Variants in CLIC5 observed in about 807,000 individuals in gnomAD.
CLIC5 encodes the protein CLIC family member 5.
CLIC5 carries 20 observed loss-of-function variants against 24.7 expected under a neutral mutation model. That is an observed-to-expected ratio of 0.81 (90% CI 0.57 to 1.18). The LOEUF (loss-of-function observed/expected upper bound fraction) is 1.18, where lower values mean the gene tolerates loss of function less well. CLIC5 is among the 50% of genes most tolerant of loss of function. The pLI is 0.00. For synonymous variants in CLIC5, 159 were observed against 135.6 expected (o/e 1.17, Z -1.20); for missense variants, 341 against 326.1 (o/e 1.05, Z -0.35).
At chr6:45,940,100 C>A (rs1001581483) in intron 4 of CLIC5, among the ~76,000 whole-genome samples, 1 of 152,164 alleles carries the variant, frequency 6.6e-6, no homozygotes, top group African/African-American at 2.4e-5. Context: ...CAGTCTCTGT[C>A]CCTGACTTTT....
intron 1 of CLIC5, among the ~76,000 whole-genome samples, chr6:45,990,650 A>C (rs1181297104): frequency 2.0e-5 from 3 of 152,258 alleles, no homozygotes; most frequent in Non-Finnish European, 2.9e-5. Context: ...GCCTTACAAA[A>C]TATACTGATG....
intron 4 of CLIC5, among the ~76,000 whole-genome samples, chr6:45,926,652 A>C (rs1049880667): frequency 2.6e-5 from 4 of 152,186 alleles, no homozygotes; most frequent in African/African-American, 9.7e-5. Flanking sequence ...GCTAGCTGAA[A>C]AAAGTCTAGA....
intron 1 of CLIC5, among the ~76,000 whole-genome samples, chr6:45,966,356 G>C (rs184417953): frequency 6.6e-5 from 10 of 150,960 alleles, no homozygotes; most frequent in Middle Eastern, 6.8e-3. Flanking sequence ...CCCACTCTCA[G>C]ATATTCTGAT....
At chr6:45,916,446 C>A (rs916814735) in intron 4 of CLIC5, among the ~76,000 whole-genome samples, 2 of 152,160 alleles carry the variant, frequency 1.3e-5, no homozygotes, top group African/African-American at 4.8e-5. Context: ...ATCCCTCTAC[C>A]CCTTTCATTC....
chr6:46,043,184 T>C (rs1202991304), intron 1 of CLIC5, among the ~76,000 whole-genome samples: 1 of 152,236 alleles, frequency 6.6e-6, no homozygotes, highest in African/African-American at 2.4e-5. Context: ...ACGGTGCTGA[T>C]AATGATGTAC....
intron 1 of CLIC5, among the ~76,000 whole-genome samples, chr6:45,960,361 C>A (rs569855055): frequency 6.6e-6 from 1 of 152,276 alleles, no homozygotes; most frequent in East Asian, 1.9e-4. Flanking sequence ...TCCAATGCAC[C>A]CTTGAATATA....
chr6:46,028,215 C>T (rs1231519323), intron 1 of CLIC5, among the ~76,000 whole-genome samples: 1 of 152,200 alleles, frequency 6.6e-6, no homozygotes, highest in Non-Finnish European at 1.5e-5. Context: ...TGCAAAACAG[C>T]CATGCCAAAG....
chr6:46,056,438 C>A (rs561776613), intron 1 of CLIC5, among the ~76,000 whole-genome samples: 4 of 152,140 alleles, frequency 2.6e-5, no homozygotes, highest in Non-Finnish European at 4.4e-5. Flanking sequence ...CCATCTCCAC[C>A]ACTGCACCCC....
chr6:46,027,412 C>T (rs1308586436), intron 1 of CLIC5, among the ~76,000 whole-genome samples: 1 of 152,206 alleles, frequency 6.6e-6, no homozygotes, highest in Non-Finnish European at 1.5e-5. Context: ...GAAGTACAAG[C>T]TTGAATTCCC....
chr6:45,914,617 A>C, intron 4 of CLIC5: 2 of 946,900 alleles, frequency 2.1e-6, no homozygotes, highest in Non-Finnish European at 2.7e-6. Flanking sequence ...TAACCAAACA[A>C]TAAACACTAG....
intron 3 of CLIC5, among the ~76,000 whole-genome samples, chr6:45,942,875 A>G (rs1764179443): frequency 6.6e-6 from 1 of 152,188 alleles, no homozygotes; most frequent in Non-Finnish European, 1.5e-5. Flanking sequence ...CTCCTTTTAC[A>G]TGGAAGGGAA....
intron 1 of CLIC5, among the ~76,000 whole-genome samples, chr6:46,035,032 G>T (rs1767622818): frequency 6.6e-6 from 1 of 152,188 alleles, no homozygotes. Context: ...CAAAATAGGT[G>T]CCTGACACAT....
chr6:45,921,951 T>A (rs1386697338), intron 4 of CLIC5, among the ~76,000 whole-genome samples: 1 of 152,234 alleles, frequency 6.6e-6, no homozygotes. Flanking sequence ...ACCCAGGGGC[T>A]CACATGGGGG....
intron 6 of CLIC5, among the ~76,000 whole-genome samples, chr6:45,883,458 G>A (rs1003741100): frequency 2.6e-5 from 4 of 152,184 alleles, no homozygotes; most frequent in African/African-American, 9.7e-5. Flanking sequence ...AGGATGAAAG[G>A]CTAAGAGAAG....
chr6:46,015,373 C>T (rs1581865459), intron 1 of CLIC5, 107 bp downstream of exon 1: 1 of 1,177,942 alleles, frequency 8.5e-7, no homozygotes, highest in Non-Finnish European at 1.1e-6. Context: ...CACAGGGCTC[C>T]GCGCCGCCCT....
chr6:45,960,305 T>C (rs559717625), intron 1 of CLIC5, among the ~76,000 whole-genome samples: 1 of 152,182 alleles, frequency 6.6e-6, no homozygotes, highest in Non-Finnish European at 1.5e-5. Context: ...CCAGATGACA[T>C]TGAAGCTTGA....
intron 1 of CLIC5, among the ~76,000 whole-genome samples, chr6:46,023,132 G>A (rs538831982): frequency 1.2e-4 from 19 of 152,142 alleles, no homozygotes; most frequent in Non-Finnish European, 2.8e-4. Context: ...CTGGGATTTT[G>A]ACCTTCCACC....
the CLIC5 span, among the ~76,000 whole-genome samples, chr6:46,087,711 A>C: frequency 6.6e-6 from 1 of 152,176 alleles, no homozygotes; most frequent in East Asian, 1.9e-4. Context: ...GAAACATCTC[A>C]AAGCAGATGA....
chr6:46,049,300 G>A (rs994198588), intron 1 of CLIC5, among the ~76,000 whole-genome samples: 1 of 152,114 alleles, frequency 6.6e-6, no homozygotes, highest in African/African-American at 2.4e-5. Flanking sequence ...ACATCTCCCA[G>A]GAACTTGTGA....
Sources: gnomAD v4.1 joint callset for allele counts (sites outside exome capture counted in the v4.1 genomes callset) on GRCh38, gnomAD v4.1.1 for gene constraint, MANE v1.5 for transcripts, NCBI Gene and HGNC (gene_info 2026-07-23, HGNC 2026-07-21) for gene names.